Variants in CAND2 observed in about 807,000 individuals in gnomAD.
CAND2 encodes cullin associated and neddylation dissociated 2 (putative).
CAND2 carries 62 observed loss-of-function variants against 98.9 expected under a neutral mutation model. That is an observed-to-expected ratio of 0.63 (90% CI 0.51 to 0.77). The LOEUF is 0.77. CAND2 is among the 30% of genes least tolerant of loss of function. The pLI is 0.00. For missense variants in CAND2, 1,501 were observed against 1,655.2 expected (o/e 0.91, Z 1.62); for synonymous variants, 770 against 731.9 (o/e 1.05, Z -0.84).
chr3:12,812,121 C>A (rs1187020498), intron 5 of CAND2, among the ~76,000 whole-genome samples: 2 of 150,458 alleles, frequency 1.3e-5, no homozygotes, highest in Non-Finnish European at 3.0e-5. Context: ...GTTGGCCAAG[C>A]TGGTCTCGAA....
chr3:12,815,067 C>A lies in CAND2; in HGVS notation c.1007-74C>A. The A allele has an allele frequency of 2.7e-6, 4 of 1,471,182 alleles. No homozygotes were observed. Among genetic ancestry groups the A allele is most frequent in the Admixed American group, 1.9e-5 (1 of 53,984 alleles). The allele number at this position is 1,471,182 out of a possible 1,614,324, so 91.1% of individuals were successfully genotyped here. On this transcript the variant is annotated intron_variant, in intron 7 of 14. Coordinates refer to ENST00000456430, the MANE Select transcript of CAND2 (RefSeq NM_001162499.2). This position sits in a 1 kb window ranked among gnomAD's most constrained non-coding sequence, Gnocchi z 5.7. The stretch of plus-strand genomic sequence containing the variant: ...CACAGTGCCCAGCTCTCTCTCCTCC[C>A]TGTCCCTTCTCCCCCGAGCCACAGA...
At chr3:12,804,660 G>C (rs540452624) in intron 2 of CAND2, among the ~76,000 whole-genome samples, 12 of 152,208 alleles carry the variant, frequency 7.9e-5, no homozygotes, top group Non-Finnish European at 1.6e-4. Context: ...CCACACCTGA[G>C]AACCACTAGT....
In CAND2 at chr3:12,803,646, C is replaced by G. The variant is rs150805580; in HGVS notation, c.212+15C>G. The stretch of plus-strand genomic sequence containing the variant: ...GCTGTCAAGTGGTGAGTGTCAGCCT[C>G]GGTGGAGCAGGAGAGGGGGCCCTAC... On this transcript the variant is annotated intron_variant, in intron 2 of 14. Coordinates refer to ENST00000456430, the MANE Select transcript of CAND2 (RefSeq NM_001162499.2). The G allele has an allele frequency of 1.9e-6, 3 of 1,585,922 alleles. No individual in the cohort carries two copies. The highest frequency in any genetic ancestry group is 2.6e-6 in the Non-Finnish European group (3 of 1,164,618).
chr3:12,804,263 G>T (rs999230522), intron 2 of CAND2, among the ~76,000 whole-genome samples: 27 of 152,094 alleles, frequency 1.8e-4, no homozygotes, highest in Admixed American at 7.9e-4. Flanking sequence ...AGACCAGCCT[G>T]ACCAACATGG....
intron 13 of CAND2, among the ~76,000 whole-genome samples, chr3:12,828,843 A>G (rs1162320125): frequency 6.6e-6 from 1 of 152,174 alleles, no homozygotes; most frequent in Non-Finnish European, 1.5e-5. Flanking sequence ...TTTTGTGACC[A>G]ACTTGTTTCA....
Position 12,815,408 on chromosome 3 carries a change from GCAA to G in CAND2, c.1276_1278del (p.Asn426del). 6.2e-7 allele frequency: 1 copy of G among 1,613,114 alleles called. No homozygotes were observed. Among genetic ancestry groups the G allele is most frequent in the Non-Finnish European group, 8.5e-7 (1 of 1,179,710 alleles). On this transcript the variant is annotated inframe_deletion, in exon 8 of 15. Coordinates refer to ENST00000456430, the MANE Select transcript of CAND2 (RefSeq NM_001162499.2). This position sits in a 1 kb window ranked among gnomAD's most constrained non-coding sequence, Gnocchi z 5.7. ...ATGGAGGAACCCACCCAGACCGGCA[GCAA>G]CCTCCATATGCTACGTGGACAGGTG...
chr3:12,832,909 G>C (rs189184732), intron 14 of CAND2, among the ~76,000 whole-genome samples: 48 of 152,324 alleles, frequency 3.2e-4, no homozygotes, highest in Non-Finnish European at 5.9e-5. Flanking sequence ...AAAATGTCTT[G>C]GATTCCAAAG....
Position 12,815,574 on chromosome 3 carries a change from G to A in CAND2, c.1299+141G>A. On this transcript the variant is annotated intron_variant, in intron 8 of 14. Coordinates refer to ENST00000456430, the MANE Select transcript of CAND2 (RefSeq NM_001162499.2). The surrounding 1 kb of genome is among the most constrained non-coding windows in gnomAD (Gnocchi z 5.7). ...GAAGGGGTCCCTGGGGTGGGGGGCG[G>A]GAGCCAGCCAGGCTTCTGGAGTGTA... 2.1e-6 allele frequency: 2 copies of A among 937,994 alleles called. No homozygotes were observed. Among genetic ancestry groups the A allele is most frequent in the Non-Finnish European group, 3.2e-6 (2 of 630,854 alleles). 58.1% of individuals were successfully genotyped at this position (937,994 alleles called of 1,614,324 possible).
At position 12,815,086 on chromosome 3, in the gene CAND2, C is replaced by T; in HGVS notation, c.1007-55C>T. On this transcript the variant is annotated intron_variant, in intron 7 of 14. Transcript: ENST00000456430. This position sits in a 1 kb window ranked among gnomAD's most constrained non-coding sequence, Gnocchi z 5.7. The stretch of plus-strand genomic sequence containing the variant: ...TCCTCCCTGTCCCTTCTCCCCCGAG[C>T]CACAGACCTGTCCTGGGAGATGAGG... The T allele has an allele frequency of 1.3e-6, 2 of 1,546,604 alleles. No individual in the cohort carries two copies. The highest frequency in any genetic ancestry group is 1.8e-5 in the Admixed American group (1 of 56,662).
At chr3:12,818,628 C>T (rs781365520) in intron 10 of CAND2, among the ~76,000 whole-genome samples, 31 of 152,370 alleles carry the variant, frequency 2.0e-4, no homozygotes, top group Non-Finnish European at 2.6e-4. Flanking sequence ...CAGTGGGCTT[C>T]GAGCTGGCCA....
chr3:12,811,843 A>G (rs1049266661), intron 5 of CAND2, among the ~76,000 whole-genome samples: 1 of 151,668 alleles, frequency 6.6e-6, no homozygotes. Flanking sequence ...CGGCCTCCCA[A>G]AGTGCTGGGA....
At position 12,816,079 on chromosome 3, in the gene CAND2, G is replaced by C. The variant is rs895514556; in HGVS notation, c.1441+71G>C. The C allele has an allele frequency of 8.1e-6, 12 of 1,482,044 alleles. No homozygotes were observed. In the African/African-American group the frequency reaches 1.7e-4, roughly 21 times the overall value. 91.8% of individuals were successfully genotyped at this position (1,482,044 alleles called of 1,614,324 possible). On this transcript the variant is annotated intron_variant, in intron 9 of 14. Transcript: ENST00000456430. ...AGAACCCAGACCCCACCCCTGAGTT[G>C]AGCCCCCAGTTCCTGAGACAGTCTG... is the stretch of plus-strand genomic sequence containing the variant.
intron 9 of CAND2, 80 bp downstream of exon 9, chr3:12,816,088 G>T (rs1340824339): frequency 7.0e-7 from 1 of 1,429,556 alleles, no homozygotes; most frequent in Non-Finnish European, 9.7e-7. Context: ...TGAGCCCCCA[G>T]TTCCTGAGAC....
chr3:12,816,678 C>T lies in CAND2; in HGVS notation c.1746C>T (p.Asp582=). ...AVTLARLRAT[D]LDQEVKERAI... is the part of the protein sequence containing the mutation. ...CCCTGGCGCGACTTCGTGCCACTGA[C>T]CTGGACCAGGAGGTGAAGGAGCGGG... The change falls in exon 10 of 15, where the codon GAC becomes GAT. Residue 582 remains aspartate, a synonymous_variant. Coordinates refer to ENST00000456430, the MANE Select transcript of CAND2 (RefSeq NM_001162499.2). 1 of 1,613,798 alleles carries T rather than the reference C, an allele frequency of 6.2e-7. No homozygotes were observed. Among genetic ancestry groups the T allele is most frequent in the Non-Finnish European group, 8.5e-7 (1 of 1,180,048 alleles).
chr3:12,806,073 T>C (rs1000736165), intron 2 of CAND2, among the ~76,000 whole-genome samples: 4 of 152,184 alleles, frequency 2.6e-5, no homozygotes, highest in African/African-American at 9.7e-5. Flanking sequence ...TGCACATGCC[T>C]GTAGTCCTAG....
Position 12,834,082 on chromosome 3 carries a change from C to T in CAND2, c.*100C>T. ...ATCGCAGGTCTCTACTTTTGCCCTT[C>T]CACCATCTCACTGGGGGCCCTGTCG... On this transcript the variant is annotated 3_prime_UTR_variant, in exon 15 of 15. Coordinates refer to ENST00000456430, the MANE Select transcript of CAND2 (RefSeq NM_001162499.2). The T allele has an allele frequency of 2.0e-6, 2 of 978,850 alleles. No homozygotes were observed. The allele number at this position is 978,850 out of a possible 1,614,324, so 60.6% of individuals were successfully genotyped here.
rs1183999206 is a variant in CAND2, at chr3:12,816,678, C to G, written c.1746C>G (p.Asp582Glu). Residue 582 changes from aspartate to glutamate, a missense_variant, in exon 10 of 15, where the codon GAC becomes GAG. Asp to Glu is a conservative substitution (Grantham distance 45). Coordinates refer to ENST00000456430, the MANE Select transcript of CAND2 (RefSeq NM_001162499.2). ...AVTLARLRAT[D>E]LDQEVKERAI... ...CCCTGGCGCGACTTCGTGCCACTGA[C>G]CTGGACCAGGAGGTGAAGGAGCGGG... 6.2e-7 allele frequency: 1 copy of G among 1,613,680 alleles called. No individual in the cohort carries two copies. The highest frequency in any genetic ancestry group is 1.3e-5 in the African/African-American group (1 of 74,924).
chr3:12,825,937 G>A (rs1213338377), intron 12 of CAND2, among the ~76,000 whole-genome samples: 5 of 152,210 alleles, frequency 3.3e-5, no homozygotes, highest in African/African-American at 9.6e-5. Context: ...CACAGCCAGC[G>A]CTCAGTAAAT....
chr3:12,796,810 C>G (rs767472122), intron 1 of CAND2, 22 bp downstream of exon 1: 13 of 1,559,786 alleles, frequency 8.3e-6, no homozygotes, highest in Non-Finnish European at 1.1e-5. Context: ...CGCCGGCCCC[C>G]TTCTCTCCTT....
Sources: gnomAD v4.1 joint callset for allele counts (sites outside exome capture counted in the v4.1 genomes callset) on GRCh38, gnomAD v4.1.1 for gene constraint, Gnocchi (gnomAD v3.1) non-coding constraint, MANE v1.5 for transcripts, NCBI Gene and HGNC (gene_info 2026-07-23, HGNC 2026-07-21) for gene names.